Variants in ADAMTS2 observed in about 807,000 individuals in gnomAD.
ADAMTS2 encodes ADAM metallopeptidase with thrombospondin type 1 motif 2.
In ADAMTS2, 50 loss-of-function variants were observed where a neutral mutation model predicts 123.0. The ratio of observed to expected loss-of-function variants is 0.41; its 90% CI spans 0.32 to 0.51. ADAMTS2 has a LOEUF of 0.51. ADAMTS2 is among the 20% of genes least tolerant of loss of function. The pLI is 0.35. For missense variants in ADAMTS2, 1,494 were observed against 1,705.2 expected (o/e 0.88, Z 2.18); for synonymous variants, 678 against 695.4 (o/e 0.98, Z 0.39).
chr5:179,213,209 TCTG>T (rs1764901414), intron 3 of ADAMTS2, among the ~76,000 whole-genome samples: 1 of 152,176 alleles, frequency 6.6e-6, no homozygotes, highest in Non-Finnish European at 1.5e-5. Flanking sequence ...CCTTCAGGTG[TCTG>T]CTGAAATGTC....
At chr5:179,298,531 C>T (rs467342) in intron 2 of ADAMTS2, among the ~76,000 whole-genome samples, 54,766 of 152,074 alleles carry the variant, frequency 0.36, 10,679 homozygotes, top group Non-Finnish European at 0.43. Context: ...GAGAAATAAA[C>T]TTCTGTTGTT....
intron 7 of ADAMTS2, 81 bp from the exon 8 acceptor site, chr5:179,154,273 G>A: frequency 6.6e-7 from 1 of 1,525,752 alleles, no homozygotes; most frequent in Admixed American, 2.0e-5. Context: ...ATAGGAGGGT[G>A]CCCCATCTTT....
At chr5:179,229,113 G>A (rs913704958) in intron 3 of ADAMTS2, among the ~76,000 whole-genome samples, 2 of 152,184 alleles carry the variant, frequency 1.3e-5, no homozygotes, top group Admixed American at 1.3e-4. Context: ...GTGTCCACAA[G>A]TAAGACACAT....
intron 2 of ADAMTS2, among the ~76,000 whole-genome samples, chr5:179,286,901 C>T (rs896909488): frequency 6.6e-6 from 1 of 152,170 alleles, no homozygotes; most frequent in Non-Finnish European, 1.5e-5. Context: ...CTGTCCTAAT[C>T]GCTTCTTCTT....
chr5:179,257,814 C>T (rs1279851620), intron 3 of ADAMTS2, among the ~76,000 whole-genome samples: 1 of 152,230 alleles, frequency 6.6e-6, no homozygotes, highest in Non-Finnish European at 1.5e-5. Flanking sequence ...CCTCCTGACC[C>T]CCATCCCGGC....
At chr5:179,217,209 CTA>C (rs1561810817) in intron 3 of ADAMTS2, among the ~76,000 whole-genome samples, 22 of 152,206 alleles carry the variant, frequency 1.4e-4, no homozygotes, top group African/African-American at 5.1e-4. Context: ...AGTTTGATAT[CTA>C]CATAGATGGA....
intron 2 of ADAMTS2, chr5:179,341,282 G>T (rs1304078434): frequency 3.0e-6 from 1 of 331,988 alleles, no homozygotes; most frequent in South Asian, 2.3e-5. Context: ...AGCACTTTAG[G>T]AGGCCAAGAT....
At chr5:179,330,642 A>C (rs1757456749) in intron 2 of ADAMTS2, among the ~76,000 whole-genome samples, 1 of 151,806 alleles carries the variant, frequency 6.6e-6, no homozygotes, top group African/African-American at 2.4e-5. Flanking sequence ...TCCAACCTCC[A>C]CTCCATTCAC....
chr5:179,154,705 G>C (rs1227913878), intron 7 of ADAMTS2, 109 bp downstream of exon 7: 4 of 902,632 alleles, frequency 4.4e-6, no homozygotes, highest in Non-Finnish European at 5.2e-6. Flanking sequence ...ACCCCAAGTG[G>C]CTTTGACACA....
At chr5:179,324,100 T>C (rs928273347) in intron 2 of ADAMTS2, among the ~76,000 whole-genome samples, 6 of 152,198 alleles carry the variant, frequency 3.9e-5, no homozygotes, top group Non-Finnish European at 4.4e-5. Flanking sequence ...CAGGCAAATC[T>C]ATACAGGCAG....
At chr5:179,122,014 C>T (rs560372298) in intron 20 of ADAMTS2, among the ~76,000 whole-genome samples, 16 of 152,266 alleles carry the variant, frequency 1.1e-4, no homozygotes, top group Non-Finnish European at 1.8e-4. Flanking sequence ...TTTTCTGGGC[C>T]GGCTCCTCTG....
chr5:179,324,056 G>A (rs1429620648), intron 2 of ADAMTS2, among the ~76,000 whole-genome samples: 1 of 152,198 alleles, frequency 6.6e-6, no homozygotes, highest in Non-Finnish European at 1.5e-5. Context: ...GGCAAATATT[G>A]TGTGATTCAT....
chr5:179,239,861 C>T (rs1765621444), intron 3 of ADAMTS2, among the ~76,000 whole-genome samples: 2 of 152,090 alleles, frequency 1.3e-5, no homozygotes, highest in African/African-American at 4.8e-5. Flanking sequence ...GTAAGCCACA[C>T]CAAGGGAGCA....
chr5:179,165,266 C>T (rs1763674424), intron 5 of ADAMTS2, among the ~76,000 whole-genome samples: 1 of 152,232 alleles, frequency 6.6e-6, no homozygotes, highest in Non-Finnish European at 1.5e-5. Flanking sequence ...ATCCTGTGCC[C>T]TTGCTATGTA....
At position 179,277,347 on chromosome 5, in the gene ADAMTS2, TGAGACCAAAGGCTGACACCCCCC is replaced by T. The variant is rs1561674774; in HGVS notation, c.535-4306_535-4284del. On this transcript the variant is annotated intron_variant, in intron 2 of 21. Coordinates refer to ENST00000251582, the MANE Select transcript of ADAMTS2 (RefSeq NM_014244.5). ...CCCCGAGACCAAAGGCTGACCCCCC[TGAGACCAAAGGCTGACACCCCCC>T]GAGACCAAAGGCTGACCCCCCCCCC... Among the ~76,000 whole-genome samples the T allele has an allele frequency of 1.6e-3, 15 of 9,272 alleles. 1 individual carries two copies. Among genetic ancestry groups the T allele is most frequent in the African/African-American group, 2.4e-3 (2 of 842 alleles). The allele number at this position is 9,272 out of a possible 152,430, so 6.1% of individuals were successfully genotyped here.
intron 21 of ADAMTS2, 79 bp downstream of exon 21, chr5:179,121,582 A>AG (rs1192288475): frequency 2.5e-6 from 3 of 1,184,100 alleles, no homozygotes; most frequent in South Asian, 1.6e-5. Flanking sequence ...GACAGAGAGG[A>AG]GGGGGGCCCA....
chr5:179,290,998 C>T (rs1323313481), intron 2 of ADAMTS2, among the ~76,000 whole-genome samples: 1 of 152,224 alleles, frequency 6.6e-6, no homozygotes, highest in African/African-American at 2.4e-5. Context: ...TGCATGGGGC[C>T]ACGGATGCCC....
Position 179,332,376 on chromosome 5 carries a change from T to C in ADAMTS2, c.534+11391A>G, listed in dbSNP as rs1757503820. Reference sequence around the variant, plus strand: ...GTTCCATGACTCCCATCCCCAGAGGTTGGGGAAGTGAGGCTGAATTCTCAA... The same window carrying C: ...GTTCCATGACTCCCATCCCCAGAGGCTGGGGAAGTGAGGCTGAATTCTCAA... On this transcript the variant is annotated intron_variant, in intron 2 of 21. Transcript: ENST00000251582. This position sits in a 1 kb window ranked among gnomAD's most constrained non-coding sequence, Gnocchi z 4.2. Among the ~76,000 whole-genome samples the C allele has an allele frequency of 6.6e-6, 1 of 152,068 alleles. No individual in the cohort carries two copies. The highest frequency in any genetic ancestry group is 2.4e-5 in the African/African-American group (1 of 41,404).
chr5:179,172,348 G>A (rs1462981678), intron 5 of ADAMTS2, among the ~76,000 whole-genome samples: 2 of 152,150 alleles, frequency 1.3e-5, no homozygotes, highest in Non-Finnish European at 2.9e-5. Flanking sequence ...TGGAAGTGGG[G>A]CCCCAGCATG....
Sources: gnomAD v4.1 joint callset for allele counts (sites outside exome capture counted in the v4.1 genomes callset) on GRCh38, gnomAD v4.1.1 for gene constraint, Gnocchi (gnomAD v3.1) non-coding constraint, MANE v1.5 for transcripts, NCBI Gene and HGNC (gene_info 2026-07-23, HGNC 2026-07-21) for gene names.